FARP1: variants seen among roughly 807,000 people sequenced by gnomAD.
The protein encoded by FARP1 is FERM, ARHGEF and pleckstrin domain-containing protein 1.
A neutral mutation model predicts 128.8 loss-of-function variants in FARP1; 52 were observed. That is an observed-to-expected ratio of 0.40 (90% CI 0.32 to 0.51). FARP1 has a LOEUF of 0.51. Among genes scored for constraint, FARP1 ranks in the 20% least tolerant of loss-of-function variants. The pLI is 0.45. For synonymous variants in FARP1, 580 were observed against 551.8 expected (o/e 1.05, Z -0.72); for missense variants, 1,333 against 1,367.9 (o/e 0.97, Z 0.40).
At chr13:98,398,428 A>G (rs181166519) in intron 13 of FARP1, 1 of 152,342 alleles carries the variant, frequency 6.6e-6, no homozygotes, top group East Asian at 1.9e-4. Context: ...GTGACTTTGC[A>G]TAACTAATAC....
intron 25 of FARP1, 24 bp from the exon 26 acceptor site, chr13:98,446,642 C>CTTTGCTTTG: frequency 6.2e-7 from 1 of 1,612,622 alleles, no homozygotes; most frequent in Non-Finnish European, 8.5e-7. Flanking sequence ...CGAAAAGCCA[C>CTTTGCTTTG]TTTGCTTTGT....
intron 2 of FARP1, among the ~76,000 whole-genome samples, chr13:98,318,213 A>T (rs551248376): frequency 6.8e-6 from 1 of 146,742 alleles, no homozygotes; most frequent in Non-Finnish European, 1.5e-5. Flanking sequence ...GCACCACCAC[A>T]CCTGGCTAAT....
chr13:98,174,388 C>T (rs1303203697), intron 1 of FARP1, among the ~76,000 whole-genome samples: 2 of 152,176 alleles, frequency 1.3e-5, no homozygotes, highest in African/African-American at 2.4e-5. Context: ...TAAAGAAACT[C>T]GAGTGAGCCT....
In FARP1 at chr13:98,449,323, A is replaced by C. The variant is rs1418750760; in HGVS notation, c.*1006A>C. Reference sequence around the variant, plus strand: ...GTATATATCGTGCCTGTCTTCAAAAACATTTCCCTTTTTATACTCATTCCC... The same window carrying C: ...GTATATATCGTGCCTGTCTTCAAAACCATTTCCCTTTTTATACTCATTCCC... On this transcript the variant is annotated 3_prime_UTR_variant, in exon 27 of 27. Coordinates refer to ENST00000319562, the MANE Select transcript of FARP1 (RefSeq NM_005766.4). 1.8e-4 allele frequency: 27 copies of C among 152,292 alleles called. No homozygotes were observed. The highest frequency in any genetic ancestry group is 3.4e-3 in the Middle Eastern group (1 of 294). The allele number at this position is 152,292 out of a possible 1,614,324, so 9.4% of individuals were successfully genotyped here.
chr13:98,187,800 G>C (rs1252115176), intron 1 of FARP1, among the ~76,000 whole-genome samples: 1 of 152,192 alleles, frequency 6.6e-6, no homozygotes, highest in Non-Finnish European at 1.5e-5. Context: ...GACATGTACA[G>C]TTAGTTATCT....
chr13:98,448,513 G>A lies in FARP1; in HGVS notation c.*196G>A, dbSNP rs1893005801. ...TGAATGAACAGCGCTCCCACCTCCA[G>A]TCCTGGCATCCGCTGGGGGCGCTGT... is the stretch of plus-strand genomic sequence containing the variant. On this transcript the variant is annotated 3_prime_UTR_variant, in exon 27 of 27. Coordinates refer to ENST00000319562, the MANE Select transcript of FARP1 (RefSeq NM_005766.4). 1 of 580,668 alleles carries A rather than the reference G, an allele frequency of 1.7e-6. No homozygotes were observed. Among genetic ancestry groups the A allele is most frequent in the African/African-American group, 1.9e-5 (1 of 53,268 alleles). 36.0% of individuals were successfully genotyped at this position (580,668 alleles called of 1,614,324 possible). A position where few individuals can be genotyped will look rare whatever the true frequency, so the allele number is the denominator to read the frequency against.
At chr13:98,145,337 C>T (rs1028324668) in intron 1 of FARP1, among the ~76,000 whole-genome samples, 2 of 152,162 alleles carry the variant, frequency 1.3e-5, no homozygotes, top group Non-Finnish European at 2.9e-5. Context: ...CCTTTTGAAG[C>T]GTGGTTTCTA....
rs887648498 is a variant in FARP1 at position 98,450,156 on chromosome 13, G to A, written c.*1839G>A. ...AGTGTGGGTAACAGTCCATCTGAGT[G>A]GAGTTTGAGACACACTACACATGAG... On this transcript the variant is annotated 3_prime_UTR_variant, in exon 27 of 27. Coordinates refer to ENST00000319562, the MANE Select transcript of FARP1 (RefSeq NM_005766.4). The A allele has an allele frequency of 4.6e-5, 7 of 152,238 alleles. No homozygotes were observed. The highest frequency in any genetic ancestry group is 1.0e-4 in the Non-Finnish European group (7 of 68,066). The allele number at this position is 152,238 out of a possible 1,614,324, so 9.4% of individuals were successfully genotyped here.
intron 1 of FARP1, among the ~76,000 whole-genome samples, chr13:98,145,475 T>C (rs1239737822): frequency 2.0e-5 from 3 of 152,224 alleles, no homozygotes; most frequent in African/African-American, 4.8e-5. Flanking sequence ...AAAATAATTA[T>C]CCTGGACAAG....
At chr13:98,181,059 T>A (rs1334792820) in intron 1 of FARP1, among the ~76,000 whole-genome samples, 1 of 152,172 alleles carries the variant, frequency 6.6e-6, no homozygotes, top group East Asian at 1.9e-4. Context: ...AAGTCTTTTT[T>A]TTTTTAAGAC....
At position 98,282,709 on chromosome 13, in the gene FARP1, C is replaced by A. The variant is rs192700561; in HGVS notation, c.172-61053C>A. On this transcript the variant is annotated intron_variant, in intron 2 of 26. Transcript: ENST00000319562. ...CACAAAGTCAAAAGATCGAGACCATCCTGGCTAACATGGTGAAACCCTGTC... is the reference window on the plus strand; with the variant it reads ...CACAAAGTCAAAAGATCGAGACCATACTGGCTAACATGGTGAAACCCTGTC... Among the ~76,000 whole-genome samples the A allele has an allele frequency of 5.1e-3, 771 of 152,218 alleles. 10 individuals carry two copies. Among genetic ancestry groups the A allele is most frequent in the African/African-American group, 0.017 (725 of 41,542 alleles).
At chr13:98,148,778 G>C (rs943264128) in intron 1 of FARP1, among the ~76,000 whole-genome samples, 1 of 152,106 alleles carries the variant, frequency 6.6e-6, no homozygotes, top group Non-Finnish European at 1.5e-5. Context: ...TCCCATTGCT[G>C]TTGCTGTCTA....
chr13:98,372,234 G>A (rs1889374489), intron 5 of FARP1, among the ~76,000 whole-genome samples: 2 of 151,934 alleles, frequency 1.3e-5, no homozygotes, highest in African/African-American at 4.8e-5. Context: ...CTACAGGCAC[G>A]TGCCACCACA....
At chr13:98,402,141 G>C (rs555930049) in intron 13 of FARP1, 1 of 152,440 alleles carries the variant, frequency 6.6e-6, no homozygotes, top group South Asian at 2.1e-4. Flanking sequence ...GGCGCCGCCA[G>C]TGCGGTCATG....
Position 98,448,268 on chromosome 13 carries a change from C to G in FARP1, c.3089C>G (p.Ser1030Cys). 6.2e-7 allele frequency: 1 copy of G among 1,614,140 alleles called. No individual in the cohort carries two copies. The highest frequency in any genetic ancestry group is 8.5e-7 in the Non-Finnish European group (1 of 1,179,964). Residue 1030 changes from serine to cysteine, a missense_variant, in exon 27 of 27, where the codon TCT (serine) becomes TGT (cysteine). Ser to Cys is a moderately radical substitution (Grantham distance 112, BLOSUM62 -1). Transcript: ENST00000319562. Reference sequence around the variant, plus strand: ...GAAGTGATCCGCAGTGCCACCAGCTCTGCCTCGCGACCCCACGTGTTGAGT... The same window carrying G: ...GAAGTGATCCGCAGTGCCACCAGCTGTGCCTCGCGACCCCACGTGTTGAGT... ...WMEVIRSATS[S>C]ASRPHVLSHK...
At chr13:98,359,428 A>G (rs1458956320) in intron 3 of FARP1, among the ~76,000 whole-genome samples, 2 of 152,130 alleles carry the variant, frequency 1.3e-5, no homozygotes, top group Non-Finnish European at 2.9e-5. Flanking sequence ...TCCACCTAAA[A>G]CATCACCCAC....
intron 3 of FARP1, among the ~76,000 whole-genome samples, chr13:98,359,551 C>T (rs574225373): frequency 6.3e-4 from 96 of 152,278 alleles, no homozygotes; most frequent in African/African-American, 2.2e-3. Context: ...CTCTCACCTC[C>T]GAGTACAGCC....
intron 2 of FARP1, among the ~76,000 whole-genome samples, chr13:98,280,749 T>G (rs1441550518): frequency 6.6e-6 from 1 of 152,264 alleles, no homozygotes; most frequent in East Asian, 1.9e-4. Flanking sequence ...GATCGTTTAC[T>G]CAATTCCATT....
Position 98,295,046 on chromosome 13 carries a change from TACACACACACACACACAC to T in FARP1, c.172-48674_172-48657del, listed in dbSNP as rs746373395. Among the ~76,000 whole-genome samples the T allele has an allele frequency of 2.3e-3, 252 of 108,376 alleles. 3 individuals are homozygous for T. The East Asian group carries it at 0.026, about 11-fold the overall frequency. The allele number at this position is 108,376 out of a possible 152,430, so 71.1% of individuals were successfully genotyped here. A position where few individuals can be genotyped will look rare whatever the true frequency, so the allele number is the denominator to read the frequency against. On this transcript the variant is annotated intron_variant, in intron 2 of 26. Transcript: ENST00000319562. ...AAAAAAAAATTATATATATATATAT[TACACACACACACACACAC>T]ACACACACACACACACACACACACA...
Sources: gnomAD v4.1 joint callset for allele counts (sites outside exome capture counted in the v4.1 genomes callset) on GRCh38, gnomAD v4.1.1 for gene constraint, MANE v1.5 for transcripts, NCBI Gene and HGNC (gene_info 2026-07-23, HGNC 2026-07-21) for gene names.